The following XIRP1 variants were observed in gnomAD, a reference collection of about 807,000 sequenced individuals.
The protein encoded by XIRP1 is xin actin-binding repeat-containing protein 1.
For synonymous variants in XIRP1, 984 were observed against 947.0 expected (o/e 1.04, Z -0.72); for missense variants, 2,378 against 2,345.4 (o/e 1.01, Z -0.29).
Position 39,188,770 on chromosome 3 carries a change from C to T in XIRP1, c.676G>A (p.Gly226Ser), listed in dbSNP as rs1439929948. The T allele has an allele frequency of 1.9e-6, 3 of 1,613,608 alleles. No homozygotes were observed. The highest frequency in any genetic ancestry group is 2.2e-5 in the East Asian group (1 of 44,902). The change falls in exon 2 of 2, where the codon GGT becomes AGT. Residue 226 changes from glycine to serine, a missense_variant. By Grantham distance (56) the Gly-to-Ser change is moderately conservative (BLOSUM62 0). Transcript: ENST00000340369. ...AGCTTCACTGTCTTTTTCACATCAC[C>T]CTTCAGCTCCTGGATCTCTGAGCGC... ...ELRSEIQELK[G>S]DVKKTVKLFQ...
chr3:39,186,408 TG>T lies in XIRP1; in HGVS notation c.3037del (p.Gln1013AsnfsTer61). The T allele has an allele frequency of 6.2e-7, 1 of 1,614,170 alleles. No homozygotes were observed. The highest frequency in any genetic ancestry group is 1.1e-5 in the South Asian group (1 of 91,080). The stretch of plus-strand genomic sequence containing the variant: ...TTCCTGCTTTTCTGTGTTTTGCAAT[TG>T]GGCTGGTGCTGCAGCTTCCCCAGCC... The part of the protein sequence containing the change: ...PLAGEAAAPA[Q>X]LQNTEKQEDS... On this transcript the variant is annotated frameshift_variant, in exon 2 of 2. Transcript: ENST00000340369. LOFTEE classifies it low-confidence loss of function (END_TRUNC).
chr3:39,189,086 A>T lies in XIRP1; in HGVS notation c.360T>A (p.Cys120Ter). 6.2e-7 allele frequency: 1 copy of T among 1,614,120 alleles called. No homozygotes were observed. Among genetic ancestry groups the T allele is most frequent in the Non-Finnish European group, 8.5e-7 (1 of 1,180,026 alleles). ...ERPAAKEPVL[C>*]GDVQATSRKF... Reference sequence around the variant, plus strand: ...TGCGGGAGGTGGCCTGGACGTCACCACACAGCACGGGCTCCTTGGCAGCTG... The same window carrying T: ...TGCGGGAGGTGGCCTGGACGTCACCTCACAGCACGGGCTCCTTGGCAGCTG... The change falls in exon 2 of 2, where the codon TGT (cysteine) becomes TGA (stop). Residue 120 changes from cysteine (C) to a stop codon, truncating the protein, a stop_gained. Transcript: ENST00000340369. LOFTEE classifies it low-confidence loss of function (END_TRUNC).
chr3:39,192,017 C>T (rs1026084755), intron 1 of XIRP1, among the ~76,000 whole-genome samples: 2 of 152,220 alleles, frequency 1.3e-5, no homozygotes, highest in Admixed American at 6.5e-5. Context: ...CTTGTTCTAG[C>T]AATGCACACT....
At position 39,185,502 on chromosome 3, in the gene XIRP1, T is replaced by A. The variant is rs1414544884; in HGVS notation, c.3944A>T (p.Asp1315Val). 7.0e-6 allele frequency: 11 copies of A among 1,561,026 alleles called. 2 individuals are homozygous for A. The South Asian group carries it at 1.4e-4, about 19-fold the overall frequency. The stretch of plus-strand genomic sequence containing the variant: ...CTTCTTCTTTGGGGGCATGGTGGGG[T>A]CCAGTTTTGGGGTCTTTGTCTGTGA... The part of the protein sequence containing the change: ...GGSQTKTPKL[D>V]PTMPPKKKPQ... The change falls in exon 2 of 2, where the codon GAC becomes GTC. Residue 1315 changes from aspartate to valine, a missense_variant. Transcript: ENST00000340369.
chr3:39,184,965 A>G lies in XIRP1; in HGVS notation c.4481T>C (p.Leu1494Pro). ...GGGCACGGCCTCAAAGAGCCTCCGC[A>G]GGGCCTGCACGTCCACACTGCTTGC... Reference protein sequence around the residue: ...EAASSVDVQALRRLFEAVPQL... With the variant: ...EAASSVDVQAPRRLFEAVPQL... Residue 1494 changes from leucine (L) to proline (P), a missense_variant, in exon 2 of 2, where the codon CTG becomes CCG. By Grantham distance (98) the Leu-to-Pro change is moderately conservative (BLOSUM62 -3). Coordinates refer to ENST00000340369, the MANE Select transcript of XIRP1 (RefSeq NM_194293.4). 3 of 1,542,608 alleles carry G rather than the reference A, an allele frequency of 1.9e-6. No homozygotes were observed. The highest frequency in any genetic ancestry group is 2.3e-5 in the East Asian group (1 of 44,278).
chr3:39,185,265 T>C lies in XIRP1; in HGVS notation c.4181A>G (p.His1394Arg). ...HIPLARCPSGHSQPSLQHGLS... is the reference protein window; with the variant it reads ...HIPLARCPSGRSQPSLQHGLS... ...GCCATGTTGTAAGCTGGGCTGGCTA[T>C]GTCCACTGGGACATCTGGCCAGAGG... Residue 1394 changes from histidine (H) to arginine (R), a missense_variant, in exon 2 of 2, where the codon CAT (histidine) becomes CGT (arginine). His to Arg is a conservative substitution (Grantham distance 29). Transcript: ENST00000340369. The C allele has an allele frequency of 6.2e-7, 1 of 1,614,216 alleles. No homozygotes were observed. The highest frequency in any genetic ancestry group is 1.1e-5 in the South Asian group (1 of 91,086).
rs1559746657 is a variant in XIRP1, at chr3:39,184,937, C to T, written c.4509G>A (p.Gln1503=). The change falls in exon 2 of 2, where the codon CAG becomes CAA. Residue 1503 remains glutamine, a synonymous_variant. Transcript: ENST00000340369. ...GAGCCTGAGGAGCAGCCCCTCCCAG[C>T]TGGGGCACGGCCTCAAAGAGCCTCC... ...ALRRLFEAVP[Q]LGGAAPQAPA... 7.7e-6 allele frequency: 12 copies of T among 1,567,998 alleles called. No homozygotes were observed. Among genetic ancestry groups the T allele is most frequent in the Non-Finnish European group, 1.0e-5 (12 of 1,157,196 alleles).
rs752814514 is a variant in XIRP1 at position 39,185,764 on chromosome 3, T to A, written c.3682A>T (p.Thr1228Ser). ...AGAATGTGGCGGCCTAGAGGGGCAGTCTTCAGGGTGGTCTCTGCAGCTTGG... is the reference window on the plus strand; with the variant it reads ...AGAATGTGGCGGCCTAGAGGGGCAGACTTCAGGGTGGTCTCTGCAGCTTGG... ...GLQAAETTLK[T>S]APLGRHILAS... The change falls in exon 2 of 2, where the codon ACT (threonine) becomes TCT (serine). Residue 1228 changes from threonine to serine, a missense_variant. Coordinates refer to ENST00000340369, the MANE Select transcript of XIRP1 (RefSeq NM_194293.4). The A allele has an allele frequency of 1.6e-5, 25 of 1,608,580 alleles. No individual in the cohort carries two copies. In the African/African-American group the frequency reaches 1.6e-4, roughly 10 times the overall value.
Position 39,186,790 on chromosome 3 carries a change from G to C in XIRP1, c.2656C>G (p.Leu886Val). ...CCAGTCCTTGCCACGGAGGTCCCAA[G>C]ACCGCAAGCCAGCAGCTGCTGGAGC... ...PELQQLLACG[L>V]GTSVARTGLV... The change falls in exon 2 of 2, where the codon CTT (leucine) becomes GTT (valine). Residue 886 changes from leucine to valine, a missense_variant. Physicochemically the swap from Leu to Val is conservative, Grantham distance 32. Coordinates refer to ENST00000340369, the MANE Select transcript of XIRP1 (RefSeq NM_194293.4). 7.4e-6 allele frequency: 12 copies of C among 1,614,000 alleles called. No homozygotes were observed. The highest frequency in any genetic ancestry group is 1.3e-5 in the African/African-American group (1 of 75,062).
In XIRP1 at chr3:39,188,376, A is replaced by T. The variant is rs975142352; in HGVS notation, c.1070T>A (p.Leu357Gln). The change falls in exon 2 of 2, where the codon CTG (leucine) becomes CAG (glutamine). Residue 357 changes from leucine to glutamine, a missense_variant. Coordinates refer to ENST00000340369, the MANE Select transcript of XIRP1 (RefSeq NM_194293.4). ...TGCTCCAGCCTCTTCGTCCCCCTTC[A>T]GAGTGTCCAGCGCTCGGGTCTCAAA... ...HLFETRALDT[L>Q]KGDEEAGAEA... 1 of 1,613,964 alleles carries T rather than the reference A, an allele frequency of 6.2e-7. No homozygotes were observed. The highest frequency in any genetic ancestry group is 1.3e-5 in the African/African-American group (1 of 75,036).
chr3:39,184,514 G>C lies in XIRP1; in HGVS notation c.4932C>G (p.Thr1644=). The change falls in exon 2 of 2, where the codon ACC becomes ACG. Residue 1644 remains threonine, a synonymous_variant. Coordinates refer to ENST00000340369, the MANE Select transcript of XIRP1 (RefSeq NM_194293.4). ...RGHTASTAPS[T]RRQETSREYL... is the part of the protein sequence containing the mutation. ...ACTCTCTTGATGTCTCCTGCCTCCT[G>C]GTGGAAGGGGCAGTTGAGGCTGTGT... The C allele has an allele frequency of 4.3e-6, 7 of 1,613,864 alleles. No individual in the cohort carries two copies. The highest frequency in any genetic ancestry group is 5.9e-6 in the Non-Finnish European group (7 of 1,180,046).
Position 39,187,751 on chromosome 3 carries a change from C to T in XIRP1, c.1695G>A (p.Arg565=), listed in dbSNP as rs1266745318. The change falls in exon 2 of 2, where the codon CGG becomes CGA. Residue 565 remains arginine, a synonymous_variant. Coordinates refer to ENST00000340369, the MANE Select transcript of XIRP1 (RefSeq NM_194293.4). The part of the protein sequence containing the change: ...ETQPLEMIHQ[R]EQQERQKEEG... ...CTTCTTTCTGTCGTTCCTGCTGCTC[C>T]CGTTGGTGGATCATCTCCAGGGGCT... The T allele has an allele frequency of 4.3e-6, 7 of 1,614,144 alleles. No homozygotes were observed. The highest frequency in any genetic ancestry group is 5.9e-6 in the Non-Finnish European group (7 of 1,180,038).
At chr3:39,190,263 A>G (rs2040069243) in intron 1 of XIRP1, among the ~76,000 whole-genome samples, 1 of 152,226 alleles carries the variant, frequency 6.6e-6, no homozygotes, top group African/African-American at 2.4e-5. Context: ...ACAATCATTT[A>G]TAAATAAAGA....
Position 39,185,211 on chromosome 3 carries a change from TTGG to T in XIRP1, c.4232_4234del (p.Thr1411del). ...GGCATTGCTGCCTGTAGCCTGATTC[TTGG>T]TGGGCCTGGGGGCCGTGGTGCTGAG... On this transcript the variant is annotated inframe_deletion, in exon 2 of 2. Coordinates refer to ENST00000340369, the MANE Select transcript of XIRP1 (RefSeq NM_194293.4). 6.2e-7 allele frequency: 1 copy of T among 1,613,876 alleles called. No homozygotes were observed. Among genetic ancestry groups the T allele is most frequent in the Non-Finnish European group, 8.5e-7 (1 of 1,179,870 alleles).
chr3:39,189,610 T>G, intron 1 of XIRP1, 85 bp from the exon 2 acceptor site: 3 of 1,102,636 alleles, frequency 2.7e-6, no homozygotes, highest in Non-Finnish European at 3.8e-6. Flanking sequence ...TCTCTCTATG[T>G]GCCTGGCCTG....
Position 39,186,079 on chromosome 3 carries a change from C to A in XIRP1, c.3367G>T (p.Glu1123Ter). 2 of 1,614,104 alleles carry A rather than the reference C, an allele frequency of 1.2e-6. No individual in the cohort carries two copies. The highest frequency in any genetic ancestry group is 1.7e-6 in the Non-Finnish European group (2 of 1,179,958). Residue 1123 changes from glutamate to a stop codon, truncating the protein, a stop_gained, in exon 2 of 2, where the codon GAA (glutamate) becomes TAA (stop). Transcript: ENST00000340369. LOFTEE classifies it low-confidence loss of function (END_TRUNC). ...IPAAPRKVSR[E>*]EQALPRGLPG... is the part of the protein sequence containing the mutation. Reference sequence around the variant, plus strand: ...AGCCCTCTGGGTAGTGCTTGCTCTTCCCTACTGACCTTTCTGGGGGCTGCT... The same window carrying A: ...AGCCCTCTGGGTAGTGCTTGCTCTTACCTACTGACCTTTCTGGGGGCTGCT...
In XIRP1 at chr3:39,184,051, G is replaced by A. The variant is rs572406713; in HGVS notation, c.5395C>T (p.Pro1799Ser). 6.3e-5 allele frequency: 102 copies of A among 1,611,390 alleles called. No homozygotes were observed. In the South Asian group the frequency reaches 1.1e-3, roughly 17 times the overall value. ...VTEQAEPPRN[P>S]GSHLGLHASP... ...GCGTGGAGCCCGAGGTGGGAGCCTG[G>A]GTTCCTGGGTGGCTCTGCCTGCTCG... The change falls in exon 2 of 2, where the codon CCA becomes TCA. Residue 1799 changes from proline to serine, a missense_variant. Coordinates refer to ENST00000340369, the MANE Select transcript of XIRP1 (RefSeq NM_194293.4).
rs1284802117 is a variant in XIRP1 at position 39,184,660 on chromosome 3, G to A, written c.4786C>T (p.Pro1596Ser). 2 of 1,613,920 alleles carry A rather than the reference G, an allele frequency of 1.2e-6. No individual in the cohort carries two copies. The highest frequency in any genetic ancestry group is 1.7e-6 in the Non-Finnish European group (2 of 1,179,896). ...ISVTVSSSAR[P>S]SGSGQEVGGQ... Reference sequence around the variant, plus strand: ...CCGACCTCCTGGCCTGAGCCACTGGGCCTGGCGCTACTGCTGACTGTGACA... The same window carrying A: ...CCGACCTCCTGGCCTGAGCCACTGGACCTGGCGCTACTGCTGACTGTGACA... Residue 1596 changes from proline (P) to serine (S), a missense_variant, in exon 2 of 2, where the codon CCC (proline) becomes TCC (serine). Coordinates refer to ENST00000340369, the MANE Select transcript of XIRP1 (RefSeq NM_194293.4).
In XIRP1 at chr3:39,188,790, G is replaced by A. The variant is rs144987841; in HGVS notation, c.656C>T (p.Ser219Leu). 6.1e-5 allele frequency: 98 copies of A among 1,613,434 alleles called. No homozygotes were observed. The African/African-American group carries it at 1.0e-3, about 17-fold the overall frequency. The change falls in exon 2 of 2, where the codon TCA (serine) becomes TTA (leucine). Residue 219 changes from serine (S) to leucine (L), a missense_variant. Coordinates refer to ENST00000340369, the MANE Select transcript of XIRP1 (RefSeq NM_194293.4). ...LQEQSPLELR[S>L]EIQELKGDVK... The stretch of plus-strand genomic sequence containing the variant: ...ATCACCCTTCAGCTCCTGGATCTCT[G>A]AGCGCAGTTCCAAGGGGCTCTGCTC...
Sources: allele counts gnomAD v4.1 joint callset (sites outside exome capture counted in the v4.1 genomes callset), GRCh38; gene constraint gnomAD v4.1.1; transcripts MANE v1.5; gene names NCBI Gene and HGNC (gene_info 2026-07-23, HGNC 2026-07-21).